The following ARSJ variants were observed in gnomAD, a reference collection of about 807,000 sequenced individuals.
The protein encoded by ARSJ is arylsulfatase J.
A neutral mutation model predicts 35.9 loss-of-function variants in ARSJ; 26 were observed. The observed-to-expected ratio is 0.72, with a 90% CI of 0.53 to 1.00. ARSJ has a LOEUF of 1.00. ARSJ is among the 50% of genes least tolerant of loss of function. The pLI, the probability that ARSJ is intolerant of heterozygous loss-of-function variation, is 0.00. For missense variants in ARSJ, 667 were observed against 723.6 expected (o/e 0.92, Z 0.90); for synonymous variants, 294 against 267.6 (o/e 1.10, Z -0.96).
At chr4:113,931,109 G>A (rs921613661) in intron 1 of ARSJ, among the ~76,000 whole-genome samples, 2 of 151,586 alleles carry the variant, frequency 1.3e-5, no homozygotes, top group Non-Finnish European at 2.9e-5. Context: ...GCACCAGCAT[G>A]GCACATGTAT....
chr4:113,979,073 C>G lies in ARSJ; in HGVS notation c.-239G>C. On this transcript the variant is annotated 5_prime_UTR_variant, in exon 1 of 2. Transcript: ENST00000315366. ...CAGCACATTTCACTTTCTCCTCCTCCTCCCCCCTCCCTAGAGCAGCTTCCA... is the reference window on the plus strand; with the variant it reads ...CAGCACATTTCACTTTCTCCTCCTCGTCCCCCCTCCCTAGAGCAGCTTCCA... 2.4e-6 allele frequency: 1 copy of G among 420,592 alleles called. No individual in the cohort carries two copies. The highest frequency in any genetic ancestry group is 4.2e-6 in the Non-Finnish European group (1 of 238,740). The allele number at this position is 420,592 out of a possible 1,614,324, so 26.1% of individuals were successfully genotyped here.
chr4:113,917,946 G>A (rs1359703032), intron 1 of ARSJ, among the ~76,000 whole-genome samples: 2 of 152,132 alleles, frequency 1.3e-5, no homozygotes, highest in South Asian at 2.1e-4. Context: ...TGTGAGGTAC[G>A]CAACATAATG....
intron 1 of ARSJ, among the ~76,000 whole-genome samples, chr4:113,915,276 G>A (rs1594399975): frequency 1.3e-5 from 2 of 152,202 alleles, no homozygotes; most frequent in Middle Eastern, 6.8e-3. Flanking sequence ...CAGATATTGA[G>A]CTATTTTGAA....
At chr4:113,955,006 T>G (rs996589442) in intron 1 of ARSJ, among the ~76,000 whole-genome samples, 1 of 131,224 alleles carries the variant, frequency 7.6e-6, no homozygotes, top group Non-Finnish European at 1.6e-5. Flanking sequence ...TTTCTTTTCT[T>G]TTTTTTTTTT....
intron 1 of ARSJ, among the ~76,000 whole-genome samples, chr4:113,935,176 A>C (rs1724690387): frequency 6.6e-6 from 1 of 151,892 alleles, no homozygotes; most frequent in African/African-American, 2.4e-5. Flanking sequence ...GCTAGTCAGG[A>C]AATTAAATGT....
At chr4:113,930,924 A>G (rs572164422) in intron 1 of ARSJ, among the ~76,000 whole-genome samples, 31 of 151,084 alleles carry the variant, frequency 2.1e-4, no homozygotes, top group African/African-American at 6.1e-4. Flanking sequence ...CTATCGCAAG[A>G]ACAAAAAACC....
At chr4:113,912,735 ATGTGTGTGTGTGTG>A (rs34936997) in intron 1 of ARSJ, among the ~76,000 whole-genome samples, 1 of 147,488 alleles carries the variant, frequency 6.8e-6, no homozygotes, top group African/African-American at 2.5e-5. Flanking sequence ...ATAAATGAGA[ATGTGTGTGTGTGTG>A]TGTGTGTGTG....
intron 1 of ARSJ, among the ~76,000 whole-genome samples, chr4:113,924,442 C>T (rs1363933169): frequency 6.6e-6 from 1 of 152,002 alleles, no homozygotes; most frequent in African/African-American, 2.4e-5. Context: ...CACAGACACA[C>T]CCAGGATCAA....
intron 1 of ARSJ, among the ~76,000 whole-genome samples, chr4:113,920,694 G>A (rs923713553): frequency 1.1e-4 from 17 of 152,090 alleles, no homozygotes; most frequent in African/African-American, 3.6e-4. Context: ...AGTGTGGCAC[G>A]TAGTTATTAT....
At chr4:113,950,606 A>AG (rs1227915680) in intron 1 of ARSJ, among the ~76,000 whole-genome samples, 1 of 152,080 alleles carries the variant, frequency 6.6e-6, no homozygotes, top group African/African-American at 2.4e-5. Context: ...GGAGAGGAAG[A>AG]GGGGAGAGAT....
Position 113,978,861 on chromosome 4 carries a change from C to G in ARSJ, c.-27G>C. The G allele has an allele frequency of 6.4e-7, 1 of 1,561,592 alleles. No individual in the cohort carries two copies. Among genetic ancestry groups the G allele is most frequent in the Non-Finnish European group, 8.6e-7 (1 of 1,157,214 alleles). On this transcript the variant is annotated 5_prime_UTR_variant, in exon 1 of 2. Coordinates refer to ENST00000315366, the MANE Select transcript of ARSJ (RefSeq NM_024590.4). ...CACTCAGGTCCCAGGTGAGACTCCA[C>G]GCGGAGAACCACGCGCCCCGCGCCG... is the stretch of plus-strand genomic sequence containing the variant.
intron 1 of ARSJ, among the ~76,000 whole-genome samples, chr4:113,967,135 T>G (rs1203025334): frequency 2.0e-5 from 3 of 152,164 alleles, no homozygotes; most frequent in Non-Finnish European, 4.4e-5. Flanking sequence ...AAATGAAGAT[T>G]TTGAGAAAGA....
chr4:113,948,711 C>G (rs17484427), intron 1 of ARSJ, among the ~76,000 whole-genome samples: 16,247 of 152,010 alleles, frequency 0.11, 1,063 homozygotes, highest in Middle Eastern at 0.17. Flanking sequence ...ATTGGAAAAC[C>G]TAACAATTAT....
Position 113,979,508 on chromosome 4 carries a change from G to T in ARSJ, c.-674C>A, listed in dbSNP as rs544373570. On this transcript the variant is annotated 5_prime_UTR_variant, in exon 1 of 2. It adds an upstream start codon to the 5' untranslated region. Coordinates refer to ENST00000315366, the MANE Select transcript of ARSJ (RefSeq NM_024590.4). ...TTCCTGATCTCCCTCCACCTCCGCAGAAACTCCGGGCAGCAATTCCTTTTC... is the reference window on the plus strand; with the variant it reads ...TTCCTGATCTCCCTCCACCTCCGCATAAACTCCGGGCAGCAATTCCTTTTC... The T allele has an allele frequency of 6.6e-6, 1 of 152,346 alleles. No homozygotes were observed. Among genetic ancestry groups the T allele is most frequent in the South Asian group, 2.1e-4 (1 of 4,838 alleles). 9.4% of individuals were successfully genotyped at this position (152,346 alleles called of 1,614,324 possible).
chr4:113,949,792 C>T (rs1467910001), intron 1 of ARSJ, among the ~76,000 whole-genome samples: 1 of 152,078 alleles, frequency 6.6e-6, no homozygotes, highest in African/African-American at 2.4e-5. Flanking sequence ...AGAGTGAAAA[C>T]TGATGATCTC....
At chr4:113,958,258 A>G (rs374642273) in intron 1 of ARSJ, among the ~76,000 whole-genome samples, 63 of 152,190 alleles carry the variant, frequency 4.1e-4, no homozygotes, top group African/African-American at 1.4e-3. Context: ...CAAAAAGGAG[A>G]TGAAAAAATC....
intron 1 of ARSJ, among the ~76,000 whole-genome samples, chr4:113,971,936 A>G (rs1329613241): frequency 6.6e-6 from 1 of 152,226 alleles, no homozygotes; most frequent in African/African-American, 2.4e-5. Context: ...TGAAATAATC[A>G]AACTCTATTG....
At chr4:113,915,542 T>C (rs1240304043) in intron 1 of ARSJ, among the ~76,000 whole-genome samples, 1 of 152,178 alleles carries the variant, frequency 6.6e-6, no homozygotes, top group African/African-American at 2.4e-5. Context: ...ATATAATTAT[T>C]TTCATTTAAC....
At chr4:113,904,206 G>C (rs1305857186) in intron 1 of ARSJ, among the ~76,000 whole-genome samples, 8 of 152,108 alleles carry the variant, frequency 5.3e-5, no homozygotes, top group African/African-American at 1.4e-4. Flanking sequence ...TGCGATTACA[G>C]GTGCGAAGCC....
Sources: allele counts gnomAD v4.1 joint callset (sites outside exome capture counted in the v4.1 genomes callset), GRCh38; gene constraint gnomAD v4.1.1; transcripts MANE v1.5; gene names NCBI Gene and HGNC (gene_info 2026-07-23, HGNC 2026-07-21).